Variants in SYNDIG1 observed in about 807,000 individuals in gnomAD.
SYNDIG1 encodes synapse differentiation-inducing gene protein 1.
A neutral mutation model predicts 19.4 loss-of-function variants in SYNDIG1; 9 were observed. The observed-to-expected ratio is 0.46, with a 90% CI of 0.28 to 0.81. The LOEUF is 0.81. SYNDIG1 is among the 30% of genes least tolerant of loss of function. SYNDIG1 has a pLI of 0.12. For synonymous variants in SYNDIG1, 141 were observed against 145.9 expected (o/e 0.97, Z 0.24); for missense variants, 311 against 343.3 (o/e 0.91, Z 0.74).
intron 3 of SYNDIG1, among the ~76,000 whole-genome samples, chr20:24,621,491 T>C (rs2059037366): frequency 6.6e-6 from 1 of 152,254 alleles, no homozygotes; most frequent in South Asian, 2.1e-4. Flanking sequence ...TATTTTTAAA[T>C]AACTCTTTTG....
intron 3 of SYNDIG1, among the ~76,000 whole-genome samples, chr20:24,589,538 T>C (rs1280921211): frequency 6.6e-6 from 1 of 152,166 alleles, no homozygotes; most frequent in Non-Finnish European, 1.5e-5. Context: ...GGCACTTCAC[T>C]CCATCCCATG....
At chr20:24,524,477 C>T (rs1329255695) in intron 1 of SYNDIG1, among the ~76,000 whole-genome samples, 1 of 152,106 alleles carries the variant, frequency 6.6e-6, no homozygotes, top group East Asian at 1.9e-4. Context: ...AACCCCGTCT[C>T]TACTAAAAAT....
Position 24,512,598 on chromosome 20 carries a change from G to A in SYNDIG1, c.-78-30422G>A, listed in dbSNP as rs182846305. 3.6e-3 allele frequency among the ~76,000 whole-genome samples: 555 copies of A among 152,240 alleles called. 3 individuals carry two copies. The highest frequency in any genetic ancestry group is 5.9e-3 in the Non-Finnish European group (403 of 68,024). On this transcript the variant is annotated intron_variant, in intron 1 of 3. Coordinates refer to ENST00000376862, the MANE Select transcript of SYNDIG1 (RefSeq NM_024893.3). ...GCAGCAGCGAGGCTGGGGGAGGGGCGCCTGCCATTGCTGAGGCTTGAGTAG... is the reference window on the plus strand; with the variant it reads ...GCAGCAGCGAGGCTGGGGGAGGGGCACCTGCCATTGCTGAGGCTTGAGTAG...
At chr20:24,603,544 C>T (rs1014425486) in intron 3 of SYNDIG1, among the ~76,000 whole-genome samples, 1 of 152,074 alleles carries the variant, frequency 6.6e-6, no homozygotes, top group African/African-American at 2.4e-5. Context: ...GGAAGTAAAT[C>T]GCAGGACTTC....
chr20:24,635,090 C>G lies in SYNDIG1; in HGVS notation c.619-30256C>G, dbSNP rs116573680. 9.8e-5 allele frequency among the ~76,000 whole-genome samples: 15 copies of G among 152,290 alleles called. No homozygotes were observed. In the South Asian group the frequency reaches 3.1e-3, roughly 32 times the overall value. Reference sequence around the variant, plus strand: ...AGCTGGGGACAGCACGGGCTTCTGCCCACTCCTCACCCTGCCAGCGGGAAG... The same window carrying G: ...AGCTGGGGACAGCACGGGCTTCTGCGCACTCCTCACCCTGCCAGCGGGAAG... On this transcript the variant is annotated intron_variant, in intron 3 of 3. Coordinates refer to ENST00000376862, the MANE Select transcript of SYNDIG1 (RefSeq NM_024893.3).
At chr20:24,541,506 G>T (rs976947136) in intron 1 of SYNDIG1, among the ~76,000 whole-genome samples, 3 of 152,174 alleles carry the variant, frequency 2.0e-5, no homozygotes, top group Non-Finnish European at 4.4e-5. Context: ...TCCTCCAGCT[G>T]CCTTCCTCTA....
chr20:24,665,539 A>C lies in SYNDIG1; in HGVS notation c.*35A>C. On this transcript the variant is annotated 3_prime_UTR_variant, in exon 4 of 4. Transcript: ENST00000376862. ...GAATGGAGGGGGAGCACCCGGGGCC[A>C]GGTCTGTGTGGACGTGGAGGAAGCA... 6.2e-7 allele frequency: 1 copy of C among 1,612,904 alleles called. No homozygotes were observed. The highest frequency in any genetic ancestry group is 2.2e-5 in the East Asian group (1 of 44,876).
chr20:24,623,372 C>A (rs1370465018), intron 3 of SYNDIG1, among the ~76,000 whole-genome samples: 1 of 152,096 alleles, frequency 6.6e-6, no homozygotes, highest in African/African-American at 2.4e-5. Context: ...TCATTGCCAG[C>A]AGGTCTGAAG....
chr20:24,481,906 C>T (rs539642588), intron 1 of SYNDIG1, among the ~76,000 whole-genome samples: 1 of 152,182 alleles, frequency 6.6e-6, no homozygotes, highest in South Asian at 2.1e-4. Flanking sequence ...GCCTGAACAT[C>T]TTACCGTAAT....
chr20:24,512,390 C>T (rs1368794068), intron 1 of SYNDIG1, among the ~76,000 whole-genome samples: 10 of 151,622 alleles, frequency 6.6e-5, no homozygotes, highest in Admixed American at 5.9e-4. Context: ...CCTTTCCTAG[C>T]CAAAGGAAGA....
intron 1 of SYNDIG1, among the ~76,000 whole-genome samples, chr20:24,527,524 C>CTTTCTTTTCT (rs11474241): frequency 1.0e-4 from 15 of 146,510 alleles, no homozygotes; most frequent in African/African-American, 2.8e-4. Flanking sequence ...TTTTTTTTTC[C>CTTTCTTTTCT]TTTCTTTTCT....
At chr20:24,599,604 T>C (rs1295988630) in intron 3 of SYNDIG1, among the ~76,000 whole-genome samples, 1 of 151,992 alleles carries the variant, frequency 6.6e-6, no homozygotes, top group Non-Finnish European at 1.5e-5. Flanking sequence ...AGTGGACAAA[T>C]GGATAAAGAA....
intron 3 of SYNDIG1, among the ~76,000 whole-genome samples, chr20:24,588,480 G>A (rs551019030): frequency 1.3e-5 from 2 of 152,328 alleles, no homozygotes; most frequent in East Asian, 1.9e-4. Flanking sequence ...GACCCCCTAG[G>A]CACTTGCTAG....
intron 3 of SYNDIG1, among the ~76,000 whole-genome samples, chr20:24,585,449 T>C (rs1275114498): frequency 6.6e-6 from 1 of 152,078 alleles, no homozygotes; most frequent in East Asian, 1.9e-4. Context: ...TAAAATAGAT[T>C]CCAGTTCCAC....
chr20:24,613,195 C>T (rs569603115), intron 3 of SYNDIG1, among the ~76,000 whole-genome samples: 78 of 152,298 alleles, frequency 5.1e-4, no homozygotes, highest in African/African-American at 1.1e-3. Flanking sequence ...ATCCTGGTGA[C>T]GGCCATTCCC....
intron 1 of SYNDIG1, among the ~76,000 whole-genome samples, chr20:24,489,556 G>A (rs1029509380): frequency 2.6e-5 from 4 of 151,940 alleles, no homozygotes; most frequent in African/African-American, 7.3e-5. Flanking sequence ...TGCTCACAGG[G>A]ACAGGCACAG....
intron 2 of SYNDIG1, 85 bp from the exon 3 acceptor site, chr20:24,584,771 G>T: frequency 1.3e-6 from 2 of 1,594,748 alleles, no homozygotes; most frequent in Non-Finnish European, 1.7e-6. Flanking sequence ...CGCCAGCCAG[G>T]GGTCATCCCA....
chr20:24,531,753 G>A (rs190362872), intron 1 of SYNDIG1, among the ~76,000 whole-genome samples: 2 of 152,338 alleles, frequency 1.3e-5, no homozygotes, highest in Admixed American at 6.5e-5. Context: ...TTCACAGAAG[G>A]TGTGTGCTAT....
In SYNDIG1 at chr20:24,658,983, T is replaced by C. The variant is rs915682718; in HGVS notation, c.619-6363T>C. On this transcript the variant is annotated intron_variant, in intron 3 of 3. Coordinates refer to ENST00000376862, the MANE Select transcript of SYNDIG1 (RefSeq NM_024893.3). The surrounding 1 kb of genome is among the most constrained non-coding windows in gnomAD (Gnocchi z 4.4). ...ATCCCCAGGAGCTTCTGCACGGCTC[T>C]GATGTGGACCTTCCCTCCCCAGCTG... Among the ~76,000 whole-genome samples the C allele has an allele frequency of 6.6e-6, 1 of 152,184 alleles. No homozygotes were observed. Among genetic ancestry groups the C allele is most frequent in the East Asian group, 1.9e-4 (1 of 5,186 alleles).
Sources: gnomAD v4.1 joint callset for allele counts (sites outside exome capture counted in the v4.1 genomes callset) on GRCh38, gnomAD v4.1.1 for gene constraint, Gnocchi (gnomAD v3.1) non-coding constraint, MANE v1.5 for transcripts, NCBI Gene and HGNC (gene_info 2026-07-23, HGNC 2026-07-21) for gene names.